FHIT: variants seen among roughly 807,000 people sequenced by gnomAD.
The protein encoded by FHIT is bis(5'-adenosyl)-triphosphatase.
FHIT carries 19 observed loss-of-function variants against 17.9 expected under a neutral mutation model. The ratio of observed to expected loss-of-function variants is 1.06; its 90% CI spans 0.74 to 1.56. The LOEUF (loss-of-function observed/expected upper bound fraction) is 1.56. Among genes scored for constraint, FHIT ranks in the 40% most tolerant of loss-of-function variants. FHIT has a pLI of 0.00. For synonymous variants in FHIT, 81 were observed against 69.7 expected, an observed-to-expected ratio of 1.16 and a Z score of -0.81; for missense variants, 248 against 189.2, an observed-to-expected ratio of 1.31 and a Z score of -1.82.
At chr3:60,506,453 T>G (rs187213706) in intron 5 of FHIT, among the ~76,000 whole-genome samples, 1 of 152,234 alleles carries the variant, frequency 6.6e-6, no homozygotes, top group South Asian at 2.1e-4. Context: ...AGATAATCAT[T>G]TGTCTGAAAA....
intron 8 of FHIT, among the ~76,000 whole-genome samples, chr3:59,789,908 G>A (rs1400330991): frequency 1.3e-5 from 2 of 152,012 alleles, no homozygotes; most frequent in Non-Finnish European, 2.9e-5. Flanking sequence ...ATAAAGAATC[G>A]AAGCCACCAC....
At chr3:60,531,424 G>A (rs1206140700) in intron 5 of FHIT, among the ~76,000 whole-genome samples, 1 of 151,688 alleles carries the variant, frequency 6.6e-6, no homozygotes, top group Non-Finnish European at 1.5e-5. Flanking sequence ...GACTACAGGC[G>A]CCCGCTACCA....
At chr3:60,661,140 T>C (rs2107824914) in intron 4 of FHIT, among the ~76,000 whole-genome samples, 1 of 152,254 alleles carries the variant, frequency 6.6e-6, no homozygotes, top group Admixed American at 6.5e-5. Flanking sequence ...TTCTGAGATT[T>C]TGGTGCACCC....
At chr3:60,588,336 A>G (rs6785709) in intron 4 of FHIT, among the ~76,000 whole-genome samples, 16,285 of 152,084 alleles carry the variant, frequency 0.11, 1,009 homozygotes, top group African/African-American at 0.17. Flanking sequence ...TATATCTTCA[A>G]TAAAGGAAGA....
rs185247156 is a variant in FHIT at position 60,586,444 on chromosome 3, A to G, written c.-17-49465T>C. On this transcript the variant is annotated intron_variant, in intron 4 of 9. Coordinates refer to ENST00000492590, the MANE Select transcript of FHIT (RefSeq NM_002012.4). Reference sequence around the variant, plus strand: ...TCAGCTGGAGACTTTAGAAATTCAAAGAGGTAAAAACAGAACTATCATTCA... The same window carrying G: ...TCAGCTGGAGACTTTAGAAATTCAAGGAGGTAAAAACAGAACTATCATTCA... 1.2e-3 allele frequency among the ~76,000 whole-genome samples: 190 copies of G among 152,150 alleles called. 1 individual carries two copies. Among genetic ancestry groups the G allele is most frequent in the Non-Finnish European group, 1.7e-3 (113 of 67,958 alleles).
chr3:60,203,122 C>A (rs2107498192), intron 5 of FHIT, among the ~76,000 whole-genome samples: 1 of 151,972 alleles, frequency 6.6e-6, no homozygotes, highest in East Asian at 1.9e-4. Context: ...TTACATGAGA[C>A]TATAGTTACT....
chr3:59,751,562 T>C (rs1350505423), intron 9 of FHIT: 2 of 217,888 alleles, frequency 9.2e-6, no homozygotes, highest in Non-Finnish European at 1.8e-5. Context: ...AGAAGCATTT[T>C]GACAAGGAAA....
At chr3:59,782,243 T>A (rs1702623480) in intron 8 of FHIT, among the ~76,000 whole-genome samples, 1 of 152,194 alleles carries the variant, frequency 6.6e-6, no homozygotes, top group South Asian at 2.1e-4. Context: ...CATGAGCTAC[T>A]GCGCCTGGCC....
intron 8 of FHIT, among the ~76,000 whole-genome samples, chr3:59,860,243 G>A (rs950529366): frequency 3.3e-5 from 5 of 152,170 alleles, no homozygotes; most frequent in South Asian, 4.1e-4. Flanking sequence ...AAGACCCTTT[G>A]TTGGGAAGAA....
At chr3:60,422,994 T>C (rs1702531255) in intron 5 of FHIT, among the ~76,000 whole-genome samples, 1 of 152,162 alleles carries the variant, frequency 6.6e-6, no homozygotes, top group South Asian at 2.1e-4. Context: ...TTAAAAATGT[T>C]ATAATATCTT....
chr3:60,459,783 C>A (rs893664895), intron 5 of FHIT, among the ~76,000 whole-genome samples: 5 of 152,186 alleles, frequency 3.3e-5, no homozygotes, highest in Admixed American at 6.5e-5. Flanking sequence ...ACTCTCAGTT[C>A]ATTAACAGCA....
chr3:60,757,332 C>T (rs1553718566), intron 4 of FHIT, among the ~76,000 whole-genome samples: 1 of 152,166 alleles, frequency 6.6e-6, no homozygotes, highest in African/African-American at 2.4e-5. Flanking sequence ...AAGCAACTGA[C>T]TTTGTTTTGT....
intron 5 of FHIT, among the ~76,000 whole-genome samples, chr3:60,117,526 G>A (rs1460184231): frequency 2.3e-5 from 3 of 131,426 alleles, no homozygotes; most frequent in African/African-American, 8.4e-5. Context: ...AAAAGACACT[G>A]TTTATCACCT....
intron 2 of FHIT, among the ~76,000 whole-genome samples, chr3:61,141,853 G>A (rs1303750863): frequency 6.6e-6 from 1 of 151,532 alleles, no homozygotes; most frequent in Non-Finnish European, 1.5e-5. Context: ...TAGAATACTT[G>A]GTTACTCAGG....
chr3:60,608,904 G>A (rs901281612), intron 4 of FHIT, among the ~76,000 whole-genome samples: 1 of 151,674 alleles, frequency 6.6e-6, no homozygotes, highest in Non-Finnish European at 1.5e-5. Flanking sequence ...TAGGTAACAT[G>A]ATTTCCTACT....
chr3:60,743,071 C>A, intron 4 of FHIT, among the ~76,000 whole-genome samples: 1 of 152,112 alleles, frequency 6.6e-6, no homozygotes, highest in East Asian at 1.9e-4. Flanking sequence ...CAGAACAGAG[C>A]GGGAGGCACT....
At chr3:61,137,238 C>T (rs2036941955) in intron 2 of FHIT, among the ~76,000 whole-genome samples, 2 of 139,706 alleles carry the variant, frequency 1.4e-5, no homozygotes, top group South Asian at 2.4e-4. Flanking sequence ...TTTGCCTTTT[C>T]TAAAACGTAT....
chr3:59,961,686 G>A (rs546621190), intron 7 of FHIT, among the ~76,000 whole-genome samples: 3 of 152,120 alleles, frequency 2.0e-5, no homozygotes, highest in Admixed American at 6.5e-5. Flanking sequence ...GACCCCTTGT[G>A]CTTCCCAAGT....
intron 5 of FHIT, among the ~76,000 whole-genome samples, chr3:60,048,131 A>G (rs2049265680): frequency 6.6e-6 from 1 of 152,058 alleles, no homozygotes; most frequent in Admixed American, 6.6e-5. Flanking sequence ...CATCAGCCAG[A>G]CCAGATTGGG....
Sources: allele counts gnomAD v4.1 joint callset (sites outside exome capture counted in the v4.1 genomes callset), GRCh38; gene constraint gnomAD v4.1.1; transcripts MANE v1.5; gene names NCBI Gene and HGNC (gene_info 2026-07-23, HGNC 2026-07-21).